Variants in BLOC1S5 observed in about 807,000 individuals in gnomAD.
The protein encoded by BLOC1S5 is biogenesis of lysosome-related organelles complex 1 subunit 5.
Under a neutral mutation model 24.3 loss-of-function variants are expected in BLOC1S5, and 27 were observed. The observed-to-expected ratio is 1.11, with a 90% CI of 0.82 to 1.53. BLOC1S5 has a LOEUF of 1.53. Ranked by LOEUF, BLOC1S5 falls within the 40% of genes most tolerant of loss-of-function variation. The pLI is 0.00. For missense variants in BLOC1S5, 239 were observed against 229.4 expected (o/e 1.04, Z -0.27); for synonymous variants, 84 against 74.5 (o/e 1.13, Z -0.66).
chr6:8,017,258 G>GT (rs1561852300), intron 4 of BLOC1S5, among the ~76,000 whole-genome samples: 1 of 152,082 alleles, frequency 6.6e-6, no homozygotes, highest in Non-Finnish European at 1.5e-5. Flanking sequence ...CAAAAACTGG[G>GT]ATATGCAAAC....
At chr6:8,020,640 G>A (rs1038990656) in intron 4 of BLOC1S5, among the ~76,000 whole-genome samples, 2 of 152,214 alleles carry the variant, frequency 1.3e-5, no homozygotes, top group Admixed American at 6.5e-5. Context: ...AGGCTGCCCA[G>A]CAGATTGTAC....
At chr6:8,043,333 A>G (rs1259445727) in intron 2 of BLOC1S5, among the ~76,000 whole-genome samples, 1 of 152,158 alleles carries the variant, frequency 6.6e-6, no homozygotes, top group African/African-American at 2.4e-5. Flanking sequence ...TAATACCTCA[A>G]CCAAGCCAAG....
chr6:8,064,044 C>A (rs1477600665), intron 1 of BLOC1S5, among the ~76,000 whole-genome samples: 1 of 152,068 alleles, frequency 6.6e-6, no homozygotes, highest in Non-Finnish European at 1.5e-5. Flanking sequence ...GCTCAGGCTG[C>A]GACAGAGGAA....
chr6:8,018,981 C>CCAGA, intron 4 of BLOC1S5, among the ~76,000 whole-genome samples: 1 of 152,348 alleles, frequency 6.6e-6, no homozygotes, highest in Admixed American at 6.5e-5. Context: ...CAAGAACAGT[C>CCAGA]TTTAAGACGC....
At chr6:8,031,608 G>GA (rs151232715) in intron 3 of BLOC1S5, among the ~76,000 whole-genome samples, 31,559 of 151,164 alleles carry the variant, frequency 0.21, 3,578 homozygotes, top group African/African-American at 0.29. Flanking sequence ...CACAGCACTA[G>GA]AAAAAAAAAT....
At position 8,030,400 on chromosome 6, in the gene BLOC1S5, C is replaced by T. The variant is rs372775605; in HGVS notation, c.326-3975G>A. ...GTCTTGAACTCCTGACCTCGTGATC[C>T]ACCCACCTCGGCCTCCCAAAGTGCT... On this transcript the variant is annotated intron_variant, in intron 3 of 4. Transcript: ENST00000397457. 6.7e-4 allele frequency among the ~76,000 whole-genome samples: 101 copies of T among 150,990 alleles called. No homozygotes were observed. In the East Asian group the frequency reaches 0.011, roughly 17 times the overall value.
chr6:8,058,915 C>T (rs944916169), intron 2 of BLOC1S5, among the ~76,000 whole-genome samples: 2 of 152,194 alleles, frequency 1.3e-5, no homozygotes, highest in Non-Finnish European at 2.9e-5. Flanking sequence ...TACTGATATA[C>T]ATAGGTATTC....
chr6:8,038,908 G>A (rs1763585865), intron 3 of BLOC1S5, among the ~76,000 whole-genome samples: 2 of 152,154 alleles, frequency 1.3e-5, no homozygotes, highest in South Asian at 2.1e-4. Flanking sequence ...ACAGTTTGGA[G>A]GTTCCTCAAA....
chr6:8,048,557 A>G (rs1263103932), intron 2 of BLOC1S5, among the ~76,000 whole-genome samples: 2 of 151,850 alleles, frequency 1.3e-5, no homozygotes, highest in Non-Finnish European at 1.5e-5. Flanking sequence ...AAACACCAAC[A>G]TAATTGTTTG....
At chr6:8,057,320 C>T (rs1764349582) in intron 2 of BLOC1S5, among the ~76,000 whole-genome samples, 1 of 152,190 alleles carries the variant, frequency 6.6e-6, no homozygotes. Context: ...CTTAAACTCA[C>T]CATCTGGTGT....
At position 8,051,964 on chromosome 6, in the gene BLOC1S5, C is replaced by T. The variant is rs1171916373; in HGVS notation, c.195+10570G>A. Among the ~76,000 whole-genome samples the T allele has an allele frequency of 2.0e-5, 3 of 146,824 alleles. No individual in the cohort carries two copies. The East Asian group carries it at 6.4e-4, about 31-fold the overall frequency. ...TTATTATGTCTGCTGATAGAACATC[C>T]ATGCCTTTTTTTTTTTTTTTTTTTT... On this transcript the variant is annotated intron_variant, in intron 2 of 4. Transcript: ENST00000397457.
chr6:8,040,026 G>T (rs557647151), intron 3 of BLOC1S5, among the ~76,000 whole-genome samples: 65 of 152,290 alleles, frequency 4.3e-4, no homozygotes, highest in South Asian at 2.1e-3. Context: ...GACTGAGAAG[G>T]AGGAGCCTGT....
intron 3 of BLOC1S5, among the ~76,000 whole-genome samples, chr6:8,030,872 A>AAAAAAAAAAAAT (rs1763273338): frequency 6.6e-6 from 1 of 151,752 alleles, no homozygotes; most frequent in South Asian, 2.1e-4. Flanking sequence ...AGTCAAAAAA[A>AAAAAAAAAAAAT]AAAAATCACA....
At chr6:8,049,227 C>T (rs951590916) in intron 2 of BLOC1S5, among the ~76,000 whole-genome samples, 8 of 151,560 alleles carry the variant, frequency 5.3e-5, no homozygotes, top group Non-Finnish European at 1.2e-4. Context: ...AAACATTAGC[C>T]GGGCGTGGTG....
At chr6:8,043,664 A>C (rs1420987505) in intron 2 of BLOC1S5, among the ~76,000 whole-genome samples, 1 of 152,200 alleles carries the variant, frequency 6.6e-6, no homozygotes. Context: ...AATTCAAATA[A>C]AGTCTGGTGT....
chr6:8,026,418 T>C lies in BLOC1S5; in HGVS notation c.333A>G (p.Ala111=). The change falls in exon 4 of 5, where the codon GCA becomes GCG. Residue 111 remains alanine (A), a synonymous_variant. Coordinates refer to ENST00000397457, the MANE Select transcript of BLOC1S5 (RefSeq NM_201280.3). ...SLSQVLQRLQ[A]ANDSVCRLQQ... ...GGAGTCTACAGACTGAGTCATTAGC[T>C]GCTTGCACTGAAATGAAAAAGACAT... 1 of 1,613,354 alleles carries C rather than the reference T, an allele frequency of 6.2e-7. No individual in the cohort carries two copies. Among genetic ancestry groups the C allele is most frequent in the South Asian group, 1.1e-5 (1 of 91,020 alleles).
intron 3 of BLOC1S5, among the ~76,000 whole-genome samples, chr6:8,034,976 C>T (rs1467892885): frequency 6.6e-6 from 1 of 151,114 alleles, no homozygotes; most frequent in East Asian, 1.9e-4. Context: ...CACACACATA[C>T]ACATATACAC....
rs541045622 is a variant in BLOC1S5 at position 8,026,712 on chromosome 6, C to T, written c.326-287G>A. ...AATGACAGATTGTCTACAGCTCTCT[C>T]ACTGCAGTACCTGGTAACCACATCA... On this transcript the variant is annotated intron_variant, in intron 3 of 4. Transcript: ENST00000397457. Among the ~76,000 whole-genome samples the T allele has an allele frequency of 8.5e-5, 13 of 152,296 alleles. No individual in the cohort carries two copies. In the East Asian group the frequency reaches 2.5e-3, roughly 29 times the overall value.
intron 4 of BLOC1S5, among the ~76,000 whole-genome samples, chr6:8,025,805 A>T (rs985211189): frequency 1.3e-4 from 20 of 152,336 alleles, no homozygotes; most frequent in Non-Finnish European, 2.9e-4. Flanking sequence ...AGAGCAATGA[A>T]TAAGTTACAA....
Sources: allele counts gnomAD v4.1 joint callset (sites outside exome capture counted in the v4.1 genomes callset), GRCh38; gene constraint gnomAD v4.1.1; transcripts MANE v1.5; gene names NCBI Gene and HGNC (gene_info 2026-07-23, HGNC 2026-07-21).